Variants in EPB41L3 observed in about 807,000 individuals in gnomAD.
EPB41L3 encodes band 4.1-like protein 3.
EPB41L3 carries 57 observed loss-of-function variants against 127.1 expected under a neutral mutation model. The ratio of observed to expected loss-of-function variants is 0.45; its 90% CI spans 0.36 to 0.56. The LOEUF (loss-of-function observed/expected upper bound fraction) is 0.56, where lower values mean the gene tolerates loss of function less well. Ranked by LOEUF, EPB41L3 falls within the 20% of genes least tolerant of loss-of-function variation. The pLI, the probability that EPB41L3 is intolerant of heterozygous loss-of-function variation, is 0.00. For missense variants in EPB41L3, 1,273 were observed against 1,372.2 expected (o/e 0.93, Z 1.14); for synonymous variants, 572 against 549.5 (o/e 1.04, Z -0.57).
At chr18:5,463,462 G>A (rs919593359) in intron 3 of EPB41L3, among the ~76,000 whole-genome samples, 3 of 152,132 alleles carry the variant, frequency 2.0e-5, no homozygotes, top group Admixed American at 1.3e-4. Flanking sequence ...TTATCCATGC[G>A]GGTTTGACCT....
intron 1 of EPB41L3, among the ~76,000 whole-genome samples, chr18:5,491,897 A>G (rs1240743836): frequency 1.3e-5 from 2 of 152,182 alleles, no homozygotes; most frequent in Non-Finnish European, 2.9e-5. Flanking sequence ...TATTCCTACA[A>G]ATAAACCAGT....
At chr18:5,602,977 C>A (rs1232569783) in intron 3 of EPB41L3, among the ~76,000 whole-genome samples, 15 of 152,156 alleles carry the variant, frequency 9.9e-5, no homozygotes, top group Admixed American at 9.8e-4. Flanking sequence ...TGCTGACACT[C>A]AGTATTGGTC....
At chr18:5,541,046 C>G (rs1050809138) in intron 1 of EPB41L3, among the ~76,000 whole-genome samples, 1 of 138,506 alleles carries the variant, frequency 7.2e-6, no homozygotes, top group African/African-American at 2.7e-5. Flanking sequence ...GATCGCACCA[C>G]TGCACTCCAG....
chr18:5,397,497 C>T lies in EPB41L3; in HGVS notation c.2473-71G>A. ...AAAGGTCAGAAAATAACTAAAGCTG[C>T]CACTCGCCAGGATGTCTAAAGCCAG... is the stretch of plus-strand genomic sequence containing the variant. On this transcript the variant is annotated intron_variant, in intron 17 of 22. Transcript: ENST00000341928. The surrounding 1 kb of genome is among the most constrained non-coding windows in gnomAD (Gnocchi z 4.1). 2.7e-6 allele frequency: 4 copies of T among 1,501,558 alleles called. No homozygotes were observed. The highest frequency in any genetic ancestry group is 1.3e-5 in the South Asian group (1 of 74,828). 93.0% of individuals were successfully genotyped at this position (1,501,558 alleles called of 1,614,324 possible).
At chr18:5,433,428 T>C in intron 8 of EPB41L3, 41 bp downstream of exon 8, 2 of 1,384,746 alleles carry the variant, frequency 1.4e-6, no homozygotes, top group Non-Finnish European at 2.0e-6. Context: ...TCAAGTTACA[T>C]AATATTAAAT....
At position 5,445,287 on chromosome 18, in the gene EPB41L3, G is replaced by T. The variant is rs140377347; in HGVS notation, c.382-43C>A. The T allele has an allele frequency of 6.8e-6, 10 of 1,462,964 alleles. No homozygotes were observed. The African/African-American group carries it at 7.0e-5, about 10-fold the overall frequency. The allele number at this position is 1,462,964 out of a possible 1,614,324, so 90.6% of individuals were successfully genotyped here. On this transcript the variant is annotated intron_variant, in intron 3 of 22. Coordinates refer to ENST00000341928, the MANE Select transcript of EPB41L3 (RefSeq NM_012307.5). ...GCAAAGCAAGTCAATACAACACAAA[G>T]AAAGTTCTCCCAAATATCAGAGATA...
intron 16 of EPB41L3, among the ~76,000 whole-genome samples, chr18:5,401,531 A>G (rs2143264238): frequency 6.6e-6 from 1 of 152,288 alleles, no homozygotes; most frequent in East Asian, 1.9e-4. Context: ...ATACAATGTC[A>G]CTGCATTAGC....
chr18:5,453,363 A>G (rs961448209), intron 3 of EPB41L3, among the ~76,000 whole-genome samples: 1 of 152,166 alleles, frequency 6.6e-6, no homozygotes, highest in Non-Finnish European at 1.5e-5. Flanking sequence ...TGAGAACTGG[A>G]GCTAAGCAGC....
At position 5,428,302 on chromosome 18, in the gene EPB41L3, G is replaced by C; in HGVS notation, c.1065+11C>G. The C allele has an allele frequency of 6.2e-7, 1 of 1,613,790 alleles. No homozygotes were observed. The highest frequency in any genetic ancestry group is 1.7e-5 in the Admixed American group (1 of 60,008). ...TCCTCCCAACGCACAGGCAAATGTGGGTATACTTACCTCTCCCGGCCGGAT... is the reference window on the plus strand; with the variant it reads ...TCCTCCCAACGCACAGGCAAATGTGCGTATACTTACCTCTCCCGGCCGGAT... On this transcript the variant is annotated intron_variant, in intron 9 of 22. Coordinates refer to ENST00000341928, the MANE Select transcript of EPB41L3 (RefSeq NM_012307.5).
At chr18:5,584,316 G>A (rs1039058622) in intron 3 of EPB41L3, among the ~76,000 whole-genome samples, 2 of 152,124 alleles carry the variant, frequency 1.3e-5, no homozygotes, top group African/African-American at 2.4e-5. Flanking sequence ...ACAACAGAAC[G>A]TAACCCGTCT....
At chr18:5,406,380 C>T (rs1338504299) in intron 16 of EPB41L3, among the ~76,000 whole-genome samples, 1 of 152,148 alleles carries the variant, frequency 6.6e-6, no homozygotes, top group Admixed American at 6.5e-5. Context: ...TCCTGAAATG[C>T]TATCAACTTC....
intron 5 of EPB41L3, among the ~76,000 whole-genome samples, chr18:5,442,716 C>T (rs2080957542): frequency 6.6e-6 from 1 of 152,006 alleles, no homozygotes; most frequent in African/African-American, 2.4e-5. Flanking sequence ...TGAATAAAAA[C>T]GTAGTTATTT....
rs200474691 is a variant in EPB41L3 at position 5,395,609 on chromosome 18, T to C, written c.3072A>G (p.Lys1024=). The C allele has an allele frequency of 1.9e-5, 31 of 1,613,676 alleles. No individual in the cohort carries two copies. In the East Asian group the frequency reaches 6.7e-4, roughly 35 times the overall value. ...TCTTCTCGGTTCTCACTCCACTTAC[T>C]TTGGTGATGTGCGTAGTGGTGGTGG... ...TSTTTTTHIT[K]TVKGGISETR... is the part of the protein sequence containing the mutation. Residue 1024 remains lysine (K), a splice_region_variant and synonymous_variant, in exon 20 of 23, where the codon AAA becomes AAG. Coordinates refer to ENST00000341928, the MANE Select transcript of EPB41L3 (RefSeq NM_012307.5).
At chr18:5,448,046 C>T (rs1469130737) in intron 3 of EPB41L3, among the ~76,000 whole-genome samples, 1 of 152,102 alleles carries the variant, frequency 6.6e-6, no homozygotes, top group Non-Finnish European at 1.5e-5. Flanking sequence ...TGGCCACCAG[C>T]CAGCTGGATG....
intron 16 of EPB41L3, chr18:5,398,879 T>G (rs1303798940): frequency 2.5e-6 from 1 of 399,322 alleles, no homozygotes; most frequent in Non-Finnish European, 4.4e-6. Flanking sequence ...TGAGGTCATC[T>G]TCTTCAGGAC....
chr18:5,574,032 TC>T (rs1463040979), intron 3 of EPB41L3, among the ~76,000 whole-genome samples: 4 of 151,834 alleles, frequency 2.6e-5, no homozygotes, highest in Non-Finnish European at 5.9e-5. Flanking sequence ...TGCGTCAGCC[TC>T]CCAAACAGCT....
chr18:5,535,159 G>C (rs1212061819), intron 1 of EPB41L3, among the ~76,000 whole-genome samples: 1 of 152,064 alleles, frequency 6.6e-6, no homozygotes, highest in Non-Finnish European at 1.5e-5. Context: ...GATGTGAAGT[G>C]GAACAGTTTC....
At chr18:5,536,119 A>G (rs1372302249) in intron 1 of EPB41L3, among the ~76,000 whole-genome samples, 1 of 152,188 alleles carries the variant, frequency 6.6e-6, no homozygotes, top group East Asian at 1.9e-4. Context: ...CTCTATAAAG[A>G]GATGACATTA....
Position 5,433,451 on chromosome 18 carries a change from G to T in EPB41L3, c.912+18C>A, listed in dbSNP as rs770218692. 1.3e-6 allele frequency: 2 copies of T among 1,575,480 alleles called. No homozygotes were observed. Among genetic ancestry groups the T allele is most frequent in the Non-Finnish European group, 1.7e-6 (2 of 1,147,938 alleles). ...CATAATATTAAATTGAAAGTTTAGG[G>T]TTTAAAAAGATGCATACCTTAGCAT... On this transcript the variant is annotated intron_variant, in intron 8 of 22. Transcript: ENST00000341928.
Sources: gnomAD v4.1 joint callset for allele counts (sites outside exome capture counted in the v4.1 genomes callset) on GRCh38, gnomAD v4.1.1 for gene constraint, Gnocchi (gnomAD v3.1) non-coding constraint, MANE v1.5 for transcripts, NCBI Gene and HGNC (gene_info 2026-07-23, HGNC 2026-07-21) for gene names.